EML4: variants seen among roughly 807,000 people sequenced by gnomAD.
EML4 encodes the protein EMAP like 4.
In EML4, 72 loss-of-function variants were observed where a neutral mutation model predicts 129.0. That is an observed-to-expected ratio of 0.56 (90% confidence interval 0.46 to 0.68). EML4 has a LOEUF of 0.68. EML4 is among the 30% of genes least tolerant of loss of function. The pLI is 0.00. For synonymous variants in EML4, 532 were observed against 405.0 expected (o/e 1.31, Z -3.77); for missense variants, 1,363 against 1,190.6 (o/e 1.14, Z -2.13).
intron 1 of EML4, among the ~76,000 whole-genome samples, chr2:42,238,724 A>G (rs1387767454): frequency 6.6e-6 from 1 of 152,050 alleles, no homozygotes; most frequent in Admixed American, 6.5e-5. Context: ...AGACAATTCT[A>G]CTGCCTCAGC....
chr2:42,226,534 G>A (rs7593539), intron 1 of EML4, among the ~76,000 whole-genome samples: 6,607 of 149,116 alleles, frequency 0.044, 453 homozygotes, highest in African/African-American at 0.15. Context: ...GTGCATTCCC[G>A]TAATCCCAGC....
chr2:42,228,258 A>C (rs1674104428), intron 1 of EML4, among the ~76,000 whole-genome samples: 1 of 152,156 alleles, frequency 6.6e-6, no homozygotes. Flanking sequence ...ATATACTTGA[A>C]AATTGCTAAG....
chr2:42,240,432 G>A (rs1236073973), intron 1 of EML4, among the ~76,000 whole-genome samples: 1 of 152,148 alleles, frequency 6.6e-6, no homozygotes, highest in East Asian at 1.9e-4. Context: ...ATACATATGT[G>A]TGTGTGTATA....
chr2:42,188,429 C>A (rs1388510750), intron 1 of EML4, among the ~76,000 whole-genome samples: 1 of 151,914 alleles, frequency 6.6e-6, no homozygotes, highest in African/African-American at 2.4e-5. Flanking sequence ...GCCATGTTGC[C>A]CAGGCTGGTC....
chr2:42,315,662 C>T (rs1367195283), intron 17 of EML4, among the ~76,000 whole-genome samples: 1 of 152,028 alleles, frequency 6.6e-6, no homozygotes, highest in Non-Finnish European at 1.5e-5. Context: ...CTGCTTGAGG[C>T]CAGGAGTTTA....
intron 6 of EML4, among the ~76,000 whole-genome samples, chr2:42,280,081 C>T (rs1558569412): frequency 6.6e-6 from 1 of 151,960 alleles, no homozygotes; most frequent in Non-Finnish European, 1.5e-5. Context: ...TGATTGTTTC[C>T]TGGCATAAGA....
chr2:42,287,121 T>A (rs139718881), intron 10 of EML4, among the ~76,000 whole-genome samples: 1 of 152,318 alleles, frequency 6.6e-6, no homozygotes, highest in East Asian at 1.9e-4. Flanking sequence ...ATATTATCTC[T>A]TCAGTTCTTA....
rs1038162786 is a variant in EML4, at chr2:42,187,119, C to G, written c.25+17483C>G. Among the ~76,000 whole-genome samples the G allele has an allele frequency of 8.6e-5, 13 of 151,952 alleles. No individual in the cohort carries two copies. In the South Asian group the frequency reaches 2.3e-3, roughly 27 times the overall value. On this transcript the variant is annotated intron_variant, in intron 1 of 22. Transcript: ENST00000318522. ...AGTGCAGTGGCAGGATCTCATTTTA[C>G]TGTAACGTCCAATTCCTGGGCTCAA...
chr2:42,277,284 A>G (rs1666708337), intron 6 of EML4, among the ~76,000 whole-genome samples: 1 of 152,236 alleles, frequency 6.6e-6, no homozygotes, highest in Non-Finnish European at 1.5e-5. Flanking sequence ...TTGACACTTA[A>G]AAGAGTAAAC....
At chr2:42,306,484 CTT>C (rs375707062) in intron 17 of EML4, among the ~76,000 whole-genome samples, 70 of 74,586 alleles carry the variant, frequency 9.4e-4, no homozygotes, top group Non-Finnish European at 1.4e-3. Context: ...GTGCTAAATC[CTT>C]TTTTTTTTTT....
At chr2:42,293,325 C>T (rs537727610) in intron 11 of EML4, among the ~76,000 whole-genome samples, 1 of 152,092 alleles carries the variant, frequency 6.6e-6, no homozygotes, top group Non-Finnish European at 1.5e-5. Flanking sequence ...TGATCTCTAA[C>T]TCCTGGCCTC....
At chr2:42,259,662 A>C (rs1040835282) in intron 3 of EML4, among the ~76,000 whole-genome samples, 4 of 151,386 alleles carry the variant, frequency 2.6e-5, no homozygotes, top group South Asian at 2.1e-4. Context: ...GAAATTTAAA[A>C]CTCTGGCAGA....
intron 14 of EML4, among the ~76,000 whole-genome samples, chr2:42,302,577 A>T (rs141795092): frequency 1.3e-5 from 2 of 148,784 alleles, no homozygotes; most frequent in African/African-American, 5.0e-5. Flanking sequence ...TCTGTCGCCC[A>T]GGCTGGAATA....
intron 1 of EML4, among the ~76,000 whole-genome samples, chr2:42,228,658 A>G (rs1353406092): frequency 6.6e-6 from 1 of 152,208 alleles, no homozygotes; most frequent in African/African-American, 2.4e-5. Context: ...CTTGCTCCAG[A>G]GACCAGGCTT....
In EML4 at chr2:42,215,740, C is replaced by T. The variant is rs183122235; in HGVS notation, c.26-29765C>T. ...TTCTTCCAATCCAAACCTTAAAGGA[C>T]GGTTAGAAAATATAAAGAATCTTTA... is the stretch of plus-strand genomic sequence containing the variant. On this transcript the variant is annotated intron_variant, in intron 1 of 22. Transcript: ENST00000318522. Among the ~76,000 whole-genome samples the T allele has an allele frequency of 4.0e-3, 607 of 152,214 alleles. 1 individual carries two copies. Among genetic ancestry groups the T allele is most frequent in the Admixed American group, 8.2e-3 (125 of 15,290 alleles).
chr2:42,314,590 C>G (rs1448107204), intron 17 of EML4, among the ~76,000 whole-genome samples: 1 of 152,210 alleles, frequency 6.6e-6, no homozygotes, highest in East Asian at 1.9e-4. Flanking sequence ...TTCCTGCACA[C>G]TGCACTACTA....
intron 19 of EML4, among the ~76,000 whole-genome samples, chr2:42,321,108 G>C (rs540007902): frequency 6.6e-6 from 1 of 152,028 alleles, no homozygotes; most frequent in African/African-American, 2.4e-5. Context: ...ACCAGGCCGG[G>C]TGCTGTGGCT....
intron 17 of EML4, among the ~76,000 whole-genome samples, 180 bp from the exon 18 acceptor site, chr2:42,315,782 G>A (rs1213964790): frequency 6.6e-6 from 1 of 152,152 alleles, no homozygotes; most frequent in African/African-American, 2.4e-5. Context: ...TCAGGAGGCT[G>A]AGGTGTGGGA....
At position 42,303,318 on chromosome 2, in the gene EML4, C is replaced by A; in HGVS notation, c.1771C>A (p.His591Asn). 6.2e-7 allele frequency: 1 copy of A among 1,614,016 alleles called. No individual in the cohort carries two copies. Among genetic ancestry groups the A allele is most frequent in the South Asian group, 1.1e-5 (1 of 91,028 alleles). ...NDGFQIEVQG[H>N]TDELWGLATH... The stretch of plus-strand genomic sequence containing the variant: ...AATGAGTGTCTTTCATTTTCAGGGT[C>A]ATACAGATGAGCTTTGGGGTCTTGC... The change falls in exon 16 of 23, where the codon CAT (histidine) becomes AAT (asparagine). Residue 591 changes from histidine (H) to asparagine (N), a missense_variant. Coordinates refer to ENST00000318522, the MANE Select transcript of EML4 (RefSeq NM_019063.5).
Sources: gnomAD v4.1 joint callset for allele counts (sites outside exome capture counted in the v4.1 genomes callset) on GRCh38, gnomAD v4.1.1 for gene constraint, MANE v1.5 for transcripts, NCBI Gene and HGNC (gene_info 2026-07-23, HGNC 2026-07-21) for gene names.